CACNA1I: variants seen among roughly 807,000 people sequenced by gnomAD.
CACNA1I encodes the protein calcium voltage-gated channel subunit alpha1 I, also known as voltage-dependent T-type calcium channel subunit alpha-1I.
CACNA1I carries 74 observed loss-of-function variants against 201.6 expected under a neutral mutation model. That is an observed-to-expected ratio of 0.37 (90% confidence interval 0.30 to 0.45). The LOEUF is 0.45. CACNA1I is among the 20% of genes least tolerant of loss of function. The pLI, the probability that CACNA1I is intolerant of heterozygous loss-of-function variation, is 1.00. For synonymous variants in CACNA1I, 1,431 were observed against 1,345.2 expected, an observed-to-expected ratio of 1.06 and a Z score of -1.40; for missense variants, 2,346 against 3,138.1, an observed-to-expected ratio of 0.75 and a Z score of 6.03.
chr22:39,638,900 C>T (rs1934287976), intron 5 of CACNA1I, among the ~76,000 whole-genome samples: 1 of 152,158 alleles, frequency 6.6e-6, no homozygotes, highest in Non-Finnish European at 1.5e-5. Context: ...GTGTGAAGTT[C>T]ACAATAGGGT....
rs371721116 is a variant in CACNA1I, at chr22:39,644,541, A to G, written c.1149+1652A>G. On this transcript the variant is annotated intron_variant, in intron 7 of 36. Coordinates refer to ENST00000402142, the MANE Select transcript of CACNA1I (RefSeq NM_021096.4). ...GGCTGAGTTTTTTCAGACACTGGGAAGGGTCCAGAGAGCAAAGTCAGGACA... is the reference window on the plus strand; with the variant it reads ...GGCTGAGTTTTTTCAGACACTGGGAGGGGTCCAGAGAGCAAAGTCAGGACA... 3.9e-5 allele frequency among the ~76,000 whole-genome samples: 6 copies of G among 152,300 alleles called. No individual in the cohort carries two copies. In the East Asian group the frequency reaches 1.2e-3, roughly 29 times the overall value.
chr22:39,612,972 G>A (rs893022990), intron 3 of CACNA1I, among the ~76,000 whole-genome samples: 2 of 152,176 alleles, frequency 1.3e-5, no homozygotes, highest in Non-Finnish European at 2.9e-5. Context: ...CCTGACAGAT[G>A]ATCTGTGATT....
Position 39,594,190 on chromosome 22 carries a change from C to A in CACNA1I, c.237-3961C>A, listed in dbSNP as rs1932853442. On this transcript the variant is annotated intron_variant, in intron 1 of 36. Coordinates refer to ENST00000402142, the MANE Select transcript of CACNA1I (RefSeq NM_021096.4). The stretch of plus-strand genomic sequence containing the variant: ...GGCCCCTGATTTCCCCATGTCTCAG[C>A]CTTCCTTATCTGTAAAATGGGCCTG... 2.0e-5 allele frequency among the ~76,000 whole-genome samples: 3 copies of A among 152,248 alleles called. No individual in the cohort carries two copies. In the South Asian group the frequency reaches 6.2e-4, roughly 32 times the overall value.
intron 28 of CACNA1I, 57 bp from the exon 29 acceptor site, chr22:39,673,904 GCA>G (rs1935444278): frequency 1.3e-6 from 2 of 1,530,538 alleles, no homozygotes. Context: ...ACACATGCGT[GCA>G]CACACACGTC....
At chr22:39,637,229 G>A (rs572832031) in intron 5 of CACNA1I, among the ~76,000 whole-genome samples, 1 of 152,210 alleles carries the variant, frequency 6.6e-6, no homozygotes, top group Non-Finnish European at 1.5e-5. Context: ...TTGGCAGAGT[G>A]GGGCCTGGAA....
intron 4 of CACNA1I, among the ~76,000 whole-genome samples, chr22:39,621,075 G>A (rs972697944): frequency 6.6e-5 from 10 of 152,150 alleles, no homozygotes; most frequent in Non-Finnish European, 8.8e-5. Flanking sequence ...GCTTTTATAC[G>A]CATTTACCCA....
intron 3 of CACNA1I, among the ~76,000 whole-genome samples, chr22:39,609,915 G>C (rs1267067528): frequency 6.6e-6 from 1 of 152,178 alleles, no homozygotes; most frequent in Non-Finnish European, 1.5e-5. Context: ...GACTGGGCAG[G>C]GGCAGGGCTC....
At chr22:39,669,214 G>A (rs930016588) in intron 24 of CACNA1I, among the ~76,000 whole-genome samples, 62 of 152,220 alleles carry the variant, frequency 4.1e-4, no homozygotes, top group Admixed American at 3.4e-3. Context: ...TCCCAGGCTG[G>A]TAATGGACCT....
chr22:39,646,050 G>A (rs781149245), intron 7 of CACNA1I, among the ~76,000 whole-genome samples: 2 of 152,114 alleles, frequency 1.3e-5, no homozygotes, highest in African/African-American at 2.4e-5. Context: ...TGTCCCAGGC[G>A]GATGGGGGCT....
chr22:39,576,551 G>A (rs965763266), intron 1 of CACNA1I, among the ~76,000 whole-genome samples: 9 of 152,220 alleles, frequency 5.9e-5, no homozygotes, highest in East Asian at 1.9e-4. Flanking sequence ...GGAGCTTCCC[G>A]TTTCCAGGCA....
Position 39,630,526 on chromosome 22 carries a change from C to T in CACNA1I, c.581-4039C>T, listed in dbSNP as rs576703393. On this transcript the variant is annotated intron_variant, in intron 4 of 36. Coordinates refer to ENST00000402142, the MANE Select transcript of CACNA1I (RefSeq NM_021096.4). ...CCGCTCCTTTACTCATTCAAGCTGT[C>T]GGCCTTCAAGGGACTGCTTTGTGCC... is the stretch of plus-strand genomic sequence containing the variant. Among the ~76,000 whole-genome samples, 5 of 152,344 alleles carry T rather than the reference C, an allele frequency of 3.3e-5. No individual in the cohort carries two copies. In the East Asian group the frequency reaches 5.8e-4, roughly 18 times the overall value.
chr22:39,659,331 T>C lies in CACNA1I; in HGVS notation c.2331-102T>C. ...AAAATGGGACCAACGCTGCCCCGCC[T>C]CCCCCTGCCCTGCATTTTACTGAGT... On this transcript the variant is annotated intron_variant, in intron 12 of 36. Transcript: ENST00000402142. This position sits in a 1 kb window ranked among gnomAD's most constrained non-coding sequence, Gnocchi z 4.3. 2 of 969,444 alleles carry C rather than the reference T, an allele frequency of 2.1e-6. No individual in the cohort carries two copies. The highest frequency in any genetic ancestry group is 3.2e-6 in the Non-Finnish European group (2 of 630,428). The allele number at this position is 969,444 out of a possible 1,614,324, so 60.1% of individuals were successfully genotyped here. A position where few individuals can be genotyped will look rare whatever the true frequency, so the allele number is the denominator to read the frequency against.
chr22:39,679,872 ATGGCAGCCCGGG>A lies in CACNA1I; in HGVS notation c.5541+5_5541+16del. 3.1e-6 allele frequency: 5 copies of A among 1,610,770 alleles called. No homozygotes were observed. The Admixed American group carries it at 6.7e-5, about 22-fold the overall frequency. ...GTGTCACCACGACAAGCAAGAGGTA[ATGGCAGCCCGGG>A]AGGCCTGGCCCCTTGTGGCAGGGGC... On this transcript the variant is annotated splice_donor_5th_base_variant and intron_variant, in intron 33 of 36. Transcript: ENST00000402142.
intron 5 of CACNA1I, among the ~76,000 whole-genome samples, chr22:39,640,434 C>T (rs1934323949): frequency 6.6e-6 from 1 of 152,068 alleles, no homozygotes; most frequent in Non-Finnish European, 1.5e-5. Context: ...AAGTGATCAG[C>T]CCAGGATCAC....
chr22:39,644,684 CT>C (rs879636992), intron 7 of CACNA1I, among the ~76,000 whole-genome samples: 703 of 144,066 alleles, frequency 4.9e-3, no homozygotes, highest in Middle Eastern at 7.4e-3. Context: ...AATTTTCTTT[CT>C]TTTTTTTTTT....
intron 10 of CACNA1I, among the ~76,000 whole-genome samples, chr22:39,651,363 A>G (rs566500265): frequency 2.6e-5 from 4 of 152,236 alleles, no homozygotes; most frequent in East Asian, 3.9e-4. Context: ...GCTCCATTCA[A>G]TTTACTTAAA....
intron 10 of CACNA1I, 85 bp downstream of exon 10, chr22:39,650,010 C>G: frequency 6.9e-7 from 1 of 1,439,182 alleles, no homozygotes; most frequent in Middle Eastern, 1.8e-4. Context: ...CCCCATCCAT[C>G]TGCCTGGGTT....
chr22:39,657,906 A>G (rs964393634), intron 10 of CACNA1I, among the ~76,000 whole-genome samples: 3 of 152,180 alleles, frequency 2.0e-5, no homozygotes, highest in Admixed American at 1.3e-4. Context: ...CCTCATTTCC[A>G]AATTTGTGGA....
rs965798673 is a variant in CACNA1I at position 39,665,114 on chromosome 22, G to C, written c.3851+191G>C. Among the ~76,000 whole-genome samples, 1 of 152,086 alleles carries C rather than the reference G, an allele frequency of 6.6e-6. No homozygotes were observed. Among genetic ancestry groups the C allele is most frequent in the Non-Finnish European group, 1.5e-5 (1 of 68,004 alleles). On this transcript the variant is annotated intron_variant, in intron 21 of 36. Coordinates refer to ENST00000402142, the MANE Select transcript of CACNA1I (RefSeq NM_021096.4). This position sits in a 1 kb window ranked among gnomAD's most constrained non-coding sequence, Gnocchi z 5.5. Reference sequence around the variant, plus strand: ...GGGGGTGGGGTATGCTGGAAGAGCAGGGCTGAAGCTGGACCCCAGTATTGC... The same window carrying C: ...GGGGGTGGGGTATGCTGGAAGAGCACGGCTGAAGCTGGACCCCAGTATTGC...
Sources: gnomAD v4.1 joint callset for allele counts (sites outside exome capture counted in the v4.1 genomes callset) on GRCh38, gnomAD v4.1.1 for gene constraint, Gnocchi (gnomAD v3.1) non-coding constraint, MANE v1.5 for transcripts, NCBI Gene and HGNC (gene_info 2026-07-23, HGNC 2026-07-21) for gene names.